FNDC3A: variants seen among roughly 807,000 people sequenced by gnomAD.
The protein encoded by FNDC3A is fibronectin type-III domain-containing protein 3A.
Under a neutral mutation model 148.9 loss-of-function variants are expected in FNDC3A, and 32 were observed. The observed-to-expected ratio is 0.21, with a 90% confidence interval of 0.16 to 0.29. FNDC3A has a LOEUF of 0.29. Among genes scored for constraint, FNDC3A ranks in the 10% least tolerant of loss-of-function variants. FNDC3A has a pLI of 1.00. For synonymous variants in FNDC3A, 472 were observed against 473.6 expected (o/e 1.00, Z 0.04); for missense variants, 1,191 against 1,452.8 (o/e 0.82, Z 2.93).
At chr13:49,017,384 G>T (rs1311855494) in intron 2 of FNDC3A, among the ~76,000 whole-genome samples, 8 of 152,124 alleles carry the variant, frequency 5.3e-5, no homozygotes, top group South Asian at 4.2e-4. Flanking sequence ...TTTGATCTTT[G>T]TTGGTTTAAA....
intron 4 of FNDC3A, among the ~76,000 whole-genome samples, chr13:49,116,173 C>CATT (rs1880945007): frequency 1.3e-5 from 2 of 152,272 alleles, no homozygotes; most frequent in South Asian, 4.1e-4. Context: ...TGGCAAACTC[C>CATT]TATCCTTTTC....
At chr13:49,023,683 AC>A (rs1198754181) in intron 2 of FNDC3A, among the ~76,000 whole-genome samples, 5 of 151,958 alleles carry the variant, frequency 3.3e-5, no homozygotes, top group South Asian at 2.1e-4. Flanking sequence ...GAAATTGTTA[AC>A]TTTTAAGTAA....
At chr13:49,184,002 T>C (rs1885438333) in intron 14 of FNDC3A, among the ~76,000 whole-genome samples, 1 of 152,112 alleles carries the variant, frequency 6.6e-6, no homozygotes, top group Admixed American at 6.6e-5. Flanking sequence ...AACAAATAGA[T>C]TGTGGTAAGT....
intron 8 of FNDC3A, among the ~76,000 whole-genome samples, chr13:49,160,643 AT>A: frequency 6.6e-6 from 1 of 150,578 alleles, no homozygotes; most frequent in South Asian, 2.1e-4. Flanking sequence ...GATCTTAGTT[AT>A]TTCTTGTTTT....
intron 2 of FNDC3A, among the ~76,000 whole-genome samples, chr13:49,070,891 TTTGTTTTG>T (rs1197167752): frequency 1.4e-5 from 2 of 144,452 alleles, no homozygotes; most frequent in Non-Finnish European, 3.0e-5. Flanking sequence ...CTTTTTTTTT[TTTGTTTTG>T]TTTTTTTTCT....
chr13:49,206,664 A>C (rs1393093235), intron 25 of FNDC3A, among the ~76,000 whole-genome samples: 13 of 152,196 alleles, frequency 8.5e-5, no homozygotes, highest in Admixed American at 8.5e-4. Context: ...TATGTTTGAA[A>C]TTATATGGAA....
intron 23 of FNDC3A, among the ~76,000 whole-genome samples, chr13:49,199,527 C>G (rs1886327186): frequency 6.6e-6 from 1 of 152,136 alleles, no homozygotes; most frequent in African/African-American, 2.4e-5. Flanking sequence ...GGAGTTTCAC[C>G]ATGTTGGCCA....
chr13:49,164,441 C>G (rs1413177829), intron 8 of FNDC3A, among the ~76,000 whole-genome samples: 1 of 152,128 alleles, frequency 6.6e-6, no homozygotes, highest in Non-Finnish European at 1.5e-5. Context: ...GTCTGGATAT[C>G]TAAATCTCTT....
At chr13:49,196,536 T>A (rs1370932743) in intron 19 of FNDC3A, among the ~76,000 whole-genome samples, 1 of 152,190 alleles carries the variant, frequency 6.6e-6, no homozygotes, top group African/African-American at 2.4e-5. Context: ...CCATCTCCCG[T>A]ACCTTTAATT....
chr13:49,036,406 C>G (rs552997374), intron 2 of FNDC3A, among the ~76,000 whole-genome samples: 18 of 152,262 alleles, frequency 1.2e-4, no homozygotes, highest in Non-Finnish European at 1.3e-4. Flanking sequence ...TATCAGACAG[C>G]ACAAATGCTA....
rs1593442162 is a variant in FNDC3A, at chr13:48,989,689, A to G, written c.-40+13512A>G. 3.3e-5 allele frequency among the ~76,000 whole-genome samples: 5 copies of G among 152,348 alleles called. No individual in the cohort carries two copies. In the South Asian group the frequency reaches 8.3e-4, roughly 25 times the overall value. On this transcript the variant is annotated intron_variant, in intron 1 of 25. Coordinates refer to ENST00000492622, the MANE Select transcript of FNDC3A (RefSeq NM_001079673.2). ...TATAAACTATAAACCAATAAGCACAATAAGCATAAGAAAGATGAATAAAAC... is the reference window on the plus strand; with the variant it reads ...TATAAACTATAAACCAATAAGCACAGTAAGCATAAGAAAGATGAATAAAAC...
At chr13:49,114,087 C>T (rs1880761431) in intron 3 of FNDC3A, among the ~76,000 whole-genome samples, 1 of 151,898 alleles carries the variant, frequency 6.6e-6, no homozygotes, top group Non-Finnish European at 1.5e-5. Context: ...TTCTTAAGCC[C>T]CCATAGACAT....
chr13:49,149,446 GA>G (rs1171788934), intron 8 of FNDC3A, among the ~76,000 whole-genome samples: 1 of 152,080 alleles, frequency 6.6e-6, no homozygotes, highest in Non-Finnish European at 1.5e-5. Flanking sequence ...TACATCTATT[GA>G]GATGATCATA....
intron 8 of FNDC3A, among the ~76,000 whole-genome samples, chr13:49,165,924 G>A (rs574169489): frequency 2.8e-4 from 43 of 152,218 alleles, no homozygotes; most frequent in African/African-American, 1.0e-3. Context: ...GCCACCAGGA[G>A]GAGTGCTCAG....
rs534642035 is a variant in FNDC3A at position 49,186,455 on chromosome 13, C to A, written c.1756+353C>A. 9.2e-5 allele frequency among the ~76,000 whole-genome samples: 14 copies of A among 152,350 alleles called. No homozygotes were observed. The South Asian group carries it at 2.9e-3, about 32-fold the overall frequency. The stretch of plus-strand genomic sequence containing the variant: ...CAAACATTTATCGAGCACCTACCTA[C>A]ATACCTAATGGAAAAACAAAGATCC... On this transcript the variant is annotated intron_variant, in intron 15 of 25. Transcript: ENST00000492622.
intron 19 of FNDC3A, 29 bp from the exon 20 acceptor site, chr13:49,196,848 A>G: frequency 7.8e-7 from 1 of 1,283,072 alleles, no homozygotes; most frequent in Non-Finnish European, 1.1e-6. Context: ...GGTGAAAAAT[A>G]AAAACACTAG....
chr13:49,131,014 C>T, intron 4 of FNDC3A, 123 bp from the exon 5 acceptor site: 1 of 710,624 alleles, frequency 1.4e-6, no homozygotes, highest in Non-Finnish European at 2.5e-6. Flanking sequence ...AATCCACCTG[C>T]CTCAGCCTCC....
intron 3 of FNDC3A, among the ~76,000 whole-genome samples, chr13:49,092,441 T>C (rs1339628411): frequency 2.6e-5 from 4 of 152,216 alleles, no homozygotes; most frequent in African/African-American, 9.6e-5. Flanking sequence ...TCTTATCTTC[T>C]AGCGGTATTG....
intron 14 of FNDC3A, among the ~76,000 whole-genome samples, chr13:49,185,047 TAGGTAG>T (rs1159810875): frequency 2.6e-5 from 4 of 151,826 alleles, no homozygotes; most frequent in African/African-American, 9.7e-5. Flanking sequence ...CTTGAGCAAC[TAGGTAG>T]ATGGTAGAGC....
Sources: gnomAD v4.1 joint callset for allele counts (sites outside exome capture counted in the v4.1 genomes callset) on GRCh38, gnomAD v4.1.1 for gene constraint, MANE v1.5 for transcripts, NCBI Gene and HGNC (gene_info 2026-07-23, HGNC 2026-07-21) for gene names.